Variants in LRP1B observed in about 807,000 individuals in gnomAD.
LRP1B encodes LDL receptor related protein 1B, also known as low-density lipoprotein receptor-related protein 1B.
Under a neutral mutation model 556.6 loss-of-function variants are expected in LRP1B, and 217 were observed. The observed-to-expected ratio is 0.39, with a 90% confidence interval of 0.35 to 0.44. LRP1B has a LOEUF of 0.44. LRP1B is among the 20% of genes least tolerant of loss of function. The pLI, the probability that LRP1B is intolerant of heterozygous loss-of-function variation, is 1.00. For missense variants in LRP1B, 5,053 were observed against 5,620.8 expected, an observed-to-expected ratio of 0.90 and a Z score of 3.23; for synonymous variants, 2,047 against 1,865.8, an observed-to-expected ratio of 1.10 and a Z score of -2.50.
chr2:141,453,152 G>T (rs1559078333), intron 3 of LRP1B, among the ~76,000 whole-genome samples: 1 of 151,986 alleles, frequency 6.6e-6, no homozygotes, highest in Admixed American at 6.6e-5. Context: ...AAGGAGAATT[G>T]CTTGAACCCA....
At chr2:140,236,957 A>G (rs1353010040) in intron 89 of LRP1B, among the ~76,000 whole-genome samples, 1 of 151,072 alleles carries the variant, frequency 6.6e-6, no homozygotes, top group Admixed American at 6.6e-5. Context: ...ACATGTATAC[A>G]TTGCAGAAAA....
chr2:141,700,704 C>G lies in LRP1B; in HGVS notation c.205+109575G>C, dbSNP rs1018404573. Among the ~76,000 whole-genome samples the G allele has an allele frequency of 2.0e-5, 3 of 151,828 alleles. No homozygotes were observed. In the Admixed American group the frequency reaches 2.0e-4, roughly 10 times the overall value. On this transcript the variant is annotated intron_variant, in intron 2 of 90. Transcript: ENST00000389484. ...TCATAGAAACCAGAATCCCTTTTCCCAAAATCCAGCCATAAAACCTAAAAA... is the reference window on the plus strand; with the variant it reads ...TCATAGAAACCAGAATCCCTTTTCCGAAAATCCAGCCATAAAACCTAAAAA...
intron 3 of LRP1B, among the ~76,000 whole-genome samples, chr2:141,293,281 C>T (rs1015410347): frequency 6.6e-6 from 1 of 152,134 alleles, no homozygotes; most frequent in African/African-American, 2.4e-5. Flanking sequence ...TCATACATAG[C>T]AATGCACATC....
chr2:141,662,566 G>A lies in LRP1B; in HGVS notation c.205+147713C>T, dbSNP rs571510363. On this transcript the variant is annotated intron_variant, in intron 2 of 90. Transcript: ENST00000389484. ...ACAAAACAAACTTTAAACCAACAGA[G>A]ATCAAAAAAGACAAAAAGGGCATTA... Among the ~76,000 whole-genome samples the A allele has an allele frequency of 5.9e-5, 9 of 152,054 alleles. No individual in the cohort carries two copies. The South Asian group carries it at 1.7e-3, about 28-fold the overall frequency.
Position 140,700,341 on chromosome 2 carries a change from T to A in LRP1B, c.6708A>T (p.Lys2236Asn). 6.2e-7 allele frequency: 1 copy of A among 1,612,948 alleles called. No individual in the cohort carries two copies. Among genetic ancestry groups the A allele is most frequent in the African/African-American group, 1.3e-5 (1 of 74,932 alleles). Residue 2236 changes from lysine (K) to asparagine (N), a missense_variant, in exon 41 of 91, where the codon AAA becomes AAT. Physicochemically the swap from Lys to Asn is moderately conservative, Grantham distance 94 (BLOSUM62 0). This residue lies in a region of LRP1B where 3,619 missense variants were observed against 3,931.9 expected (regional missense o/e 0.92). Coordinates refer to ENST00000389484, the MANE Select transcript of LRP1B (RefSeq NM_018557.3). The stretch of plus-strand genomic sequence containing the variant: ...CACTGTAAAAGATTCGGTTGGTACC[T>A]TTTCTTCTTTGATTATAGTCAAAAG... The part of the protein sequence containing the change: ...ALAFDYNQRR[K>N]GTNRIFYSDA...
intron 83 of LRP1B, among the ~76,000 whole-genome samples, chr2:140,300,754 A>G (rs1683786217): frequency 6.6e-6 from 1 of 152,182 alleles, no homozygotes. Flanking sequence ...CTATAAAATC[A>G]ACATAATAAT....
At chr2:140,345,861 C>CACAT (rs1211105281) in intron 77 of LRP1B, among the ~76,000 whole-genome samples, 4 of 137,860 alleles carry the variant, frequency 2.9e-5, no homozygotes, top group Admixed American at 2.2e-4. Context: ...CACACACACA[C>CACAT]ATATATATAT....
At chr2:140,354,396 C>A (rs1682117157) in intron 75 of LRP1B, among the ~76,000 whole-genome samples, 1 of 152,038 alleles carries the variant, frequency 6.6e-6, no homozygotes, top group Non-Finnish European at 1.5e-5. Context: ...TAAGCATTTT[C>A]ATGACCACAC....
At chr2:140,638,981 C>T (rs914118917) in intron 41 of LRP1B, among the ~76,000 whole-genome samples, 3 of 151,140 alleles carry the variant, frequency 2.0e-5, no homozygotes, top group Non-Finnish European at 4.4e-5. Flanking sequence ...ATTTCTCCAA[C>T]GAGAAAAAAA....
intron 87 of LRP1B, among the ~76,000 whole-genome samples, chr2:140,239,900 A>C (rs1393463553): frequency 1.3e-5 from 2 of 151,118 alleles, no homozygotes; most frequent in East Asian, 2.0e-4. Context: ...ACATTTACAC[A>C]GTTTCACTGA....
chr2:141,855,229 G>A (rs1410379223), intron 1 of LRP1B, among the ~76,000 whole-genome samples: 6 of 152,036 alleles, frequency 3.9e-5, no homozygotes, highest in African/African-American at 1.4e-4. Context: ...AATTTTGACA[G>A]AAGCAGATGT....
intron 21 of LRP1B, among the ~76,000 whole-genome samples, chr2:140,910,637 ACAAT>A (rs1415839279): frequency 6.6e-6 from 1 of 151,886 alleles, no homozygotes; most frequent in Non-Finnish European, 1.5e-5. Flanking sequence ...CAATAAGATA[ACAAT>A]CAATCCAAGT....
chr2:140,865,214 A>G (rs1199017951), intron 27 of LRP1B, among the ~76,000 whole-genome samples: 2 of 152,060 alleles, frequency 1.3e-5, no homozygotes, highest in African/African-American at 2.4e-5. Context: ...TGTGTGCATA[A>G]TGAATGCTTA....
intron 60 of LRP1B, among the ~76,000 whole-genome samples, chr2:140,473,383 A>C (rs1687844951): frequency 6.6e-6 from 1 of 151,970 alleles, no homozygotes; most frequent in African/African-American, 2.4e-5. Context: ...ATCATACTAG[A>C]CTATCTTTCA....
intron 3 of LRP1B, among the ~76,000 whole-genome samples, chr2:141,363,560 C>A (rs1361769515): frequency 2.0e-5 from 3 of 151,904 alleles, no homozygotes; most frequent in Non-Finnish European, 4.4e-5. Context: ...TATTTGACAA[C>A]AAAAATATTT....
At chr2:140,357,549 T>TAA (rs563824423) in intron 74 of LRP1B, among the ~76,000 whole-genome samples, 1 of 145,948 alleles carries the variant, frequency 6.9e-6, no homozygotes, top group Non-Finnish European at 1.5e-5. Flanking sequence ...GCACTGTAAC[T>TAA]AAAAAAAAAA....
At chr2:141,453,665 C>T (rs926051268) in intron 3 of LRP1B, among the ~76,000 whole-genome samples, 6 of 152,256 alleles carry the variant, frequency 3.9e-5, no homozygotes, top group African/African-American at 1.4e-4. Flanking sequence ...CACCTGTAAT[C>T]CCAGCACTTT....
rs72979049 is a variant in LRP1B at position 141,358,806 on chromosome 2, C to T, written c.344-104165G>A. Among the ~76,000 whole-genome samples, 1,153 of 151,966 alleles carry T rather than the reference C, an allele frequency of 7.6e-3. 13 individuals are homozygous for T. Among genetic ancestry groups the T allele is most frequent in the African/African-American group, 0.025 (1,046 of 41,454 alleles). On this transcript the variant is annotated intron_variant, in intron 3 of 90. Transcript: ENST00000389484. ...ATAGAGATGATAGGCCAAAATAATA[C>T]GACATAATTGGAGGTTCGCATAAAT...
chr2:140,908,209 A>G (rs1694311373), intron 21 of LRP1B, 132 bp from the exon 22 acceptor site: 2 of 660,940 alleles, frequency 3.0e-6, no homozygotes, highest in Non-Finnish European at 5.3e-6. Flanking sequence ...CTATTTGCTT[A>G]TTATTTGACA....
Sources: allele counts gnomAD v4.1 joint callset (sites outside exome capture counted in the v4.1 genomes callset), GRCh38; gene constraint gnomAD v4.1.1; regional missense constraint gnomAD v4.1.1; transcripts MANE v1.5; gene names NCBI Gene and HGNC (gene_info 2026-07-23, HGNC 2026-07-21).